NAA38: variants seen among roughly 807,000 people sequenced by gnomAD.
The protein encoded by NAA38 is N-alpha-acetyltransferase 38, NatC auxiliary subunit.
A neutral mutation model predicts 12.6 loss-of-function variants in NAA38; 15 were observed. That is an observed-to-expected ratio of 1.19 (90% CI 0.79 to 1.83). NAA38 has a LOEUF of 1.83. Ranked by LOEUF, NAA38 falls within the 40% of genes most tolerant of loss-of-function variation. The probability of loss-of-function intolerance (pLI) is 0.00; values close to 1 mark genes in which losing one functional copy is unlikely to be tolerated. For missense variants in NAA38, 183 were observed against 171.7 expected (o/e 1.07, Z -0.37); for synonymous variants, 88 against 69.9 (o/e 1.26, Z -1.29).
At chr17:7,859,543 CA>C, upstream of NAA38, 1 of 1,614,156 alleles carries the variant, frequency 6.2e-7, no homozygotes, top group Non-Finnish European at 8.5e-7. Context: ...TTGACTATCT[CA>C]GTATGGACGG....
chr17:7,880,756 A>G (rs1967257730), intron 2 of NAA38, among the ~76,000 whole-genome samples: 1 of 152,196 alleles, frequency 6.6e-6, no homozygotes, highest in Non-Finnish European at 1.5e-5. Context: ...TGCCTTCTCC[A>G]ATACACATTT....
chr17:7,856,814 G>A lies in NAA38; in HGVS notation c.295C>T (p.Leu99=). ...TGTCCGGGTACCATGGCCAGGCCCA[G>A]CACACGGGGCTCCCCGGCAGAGAAG... The part of the protein sequence containing the change: ...DSFSAGEPRV[L]GLAMVPGHHI... Residue 99 remains leucine (L), a synonymous_variant, in exon 3 of 3, where the codon CTG becomes TTG. Coordinates refer to ENST00000575771, the MANE Select transcript of NAA38 (RefSeq NM_001320925.4). 6.2e-7 allele frequency: 1 copy of A among 1,613,904 alleles called. No individual in the cohort carries two copies. Among genetic ancestry groups the A allele is most frequent in the Non-Finnish European group, 8.5e-7 (1 of 1,180,016 alleles).
chr17:7,877,887 T>C (rs1967203302), intron 2 of NAA38, among the ~76,000 whole-genome samples: 1 of 152,194 alleles, frequency 6.6e-6, no homozygotes, highest in African/African-American at 2.4e-5. Context: ...AGAAGAACAC[T>C]AGATTGGAAA....
chr17:7,869,771 A>AG (rs1368997120), intron 2 of NAA38, among the ~76,000 whole-genome samples: 1 of 152,036 alleles, frequency 6.6e-6, no homozygotes, highest in South Asian at 2.1e-4. Flanking sequence ...TCCAAAAAAA[A>AG]GAAAAGAAAA....
chr17:7,866,401 C>T, intron 3 of NAA38: 1 of 1,109,710 alleles, frequency 9.0e-7, no homozygotes, highest in Non-Finnish European at 1.1e-6. Context: ...AGCCATTGCG[C>T]CCGGCCGCCA....
upstream of NAA38, chr17:7,859,116 G>C: frequency 3.5e-6 from 2 of 575,736 alleles, no homozygotes; most frequent in Non-Finnish European, 3.1e-6. Flanking sequence ...ACAGCAATTG[G>C]ACTTTCTTTT....
rs772121369 is a variant in NAA38, at chr17:7,856,714, G to A, written c.*17C>T. The A allele has an allele frequency of 7.3e-5, 116 of 1,599,446 alleles. No homozygotes were observed. Among genetic ancestry groups the A allele is most frequent in the African/African-American group, 1.3e-5 (1 of 74,618 alleles). On this transcript the variant is annotated 3_prime_UTR_variant, in exon 3 of 3. Coordinates refer to ENST00000575771, the MANE Select transcript of NAA38 (RefSeq NM_001320925.4). Reference sequence around the variant, plus strand: ...GTCATAAGTTTAATGAAGTCTGAAAGGTAAGCGCCATCGTGGTCAGAGATA... The same window carrying A: ...GTCATAAGTTTAATGAAGTCTGAAAAGTAAGCGCCATCGTGGTCAGAGATA...
At chr17:7,865,951 A>C (rs1378780496) in intron 3 of NAA38, 1 of 152,278 alleles carries the variant, frequency 6.6e-6, no homozygotes, top group African/African-American at 2.4e-5. Flanking sequence ...AGTCCTGGAA[A>C]CTGTGAATAC....
chr17:7,866,738 A>T (rs1048878966), intron 2 of NAA38, among the ~76,000 whole-genome samples: 3 of 152,080 alleles, frequency 2.0e-5, no homozygotes, highest in Non-Finnish European at 4.4e-5. Flanking sequence ...GGTGTTCTGA[A>T]ATGCCATAAT....
chr17:7,857,088 G>A lies in NAA38; in HGVS notation c.192C>T (p.Val64=), dbSNP rs769792368. The change falls in exon 2 of 3, where the codon GTC becomes GTT. Residue 64 remains valine, a synonymous_variant. Coordinates refer to ENST00000575771, the MANE Select transcript of NAA38 (RefSeq NM_001320925.4). ...RIRMTDGRTL[V]GCFLCTDRDC... is the part of the protein sequence containing the mutation. The stretch of plus-strand genomic sequence containing the variant: ...CACGGTCAGTGCAGAGGAAGCAGCC[G>A]ACCAGTGTCCGTCCATCTGTCATGC... The A allele has an allele frequency of 6.2e-7, 1 of 1,613,540 alleles. No individual in the cohort carries two copies. The highest frequency in any genetic ancestry group is 8.5e-7 in the Non-Finnish European group (1 of 1,180,040).
chr17:7,856,942 G>C (rs778493992), intron 2 of NAA38, 73 bp downstream of exon 2: 1 of 1,587,340 alleles, frequency 6.3e-7, no homozygotes, highest in Non-Finnish European at 8.6e-7. Flanking sequence ...TTGCAGCCAG[G>C]CCCTTAAGGG....
intron 2 of NAA38, among the ~76,000 whole-genome samples, chr17:7,868,043 G>A (rs775125099): frequency 2.0e-4 from 30 of 152,218 alleles, no homozygotes; most frequent in Non-Finnish European, 4.3e-4. Context: ...TCCAGATCTT[G>A]TTGGATATAT....
chr17:7,858,105 A>T, upstream of NAA38: 1 of 1,612,012 alleles, frequency 6.2e-7, no homozygotes, highest in Non-Finnish European at 8.5e-7. Flanking sequence ...GGAGTAACCA[A>T]GAGATCCAGT....
intron 1 of NAA38, chr17:7,885,035 C>A: frequency 8.9e-7 from 1 of 1,120,156 alleles, no homozygotes; most frequent in Non-Finnish European, 1.1e-6. Context: ...CCCGCCGCCG[C>A]CGCCGCCGCC....
chr17:7,881,455 C>T (rs895500714), intron 2 of NAA38, among the ~76,000 whole-genome samples: 7 of 151,504 alleles, frequency 4.6e-5, no homozygotes, highest in Admixed American at 1.3e-4. Flanking sequence ...TAAAGGCAAA[C>T]GTGAGAGAAG....
At chr17:7,859,907 A>G, upstream of NAA38, 2 of 396,326 alleles carry the variant, frequency 5.0e-6, no homozygotes, top group Non-Finnish European at 9.3e-6. Context: ...TTGATAGTTA[A>G]GAGAGAGTAG....
chr17:7,881,883 A>T (rs1967278746), intron 2 of NAA38, among the ~76,000 whole-genome samples: 1 of 151,370 alleles, frequency 6.6e-6, no homozygotes, highest in African/African-American at 2.4e-5. Flanking sequence ...CAGCCAGAGA[A>T]GCAGACAGAC....
rs767797819 is a variant in NAA38, at chr17:7,885,039, C to CGCCGCCGCCACCGCT, written c.-167+111_-167+125dup. On this transcript the variant is annotated intron_variant, in intron 1 of 4. Coordinates refer to the NAA38 transcript ENST00000576861. ...TGCCACCTCTTCCCGCCGCCGCCGC[C>CGCCGCCGCCACCGCT]GCCGCCGCCACCGCTGCCCCCGCCG... 5.2e-4 allele frequency: 581 copies of CGCCGCCGCCACCGCT among 1,122,552 alleles called. 4 individuals carry two copies. Among genetic ancestry groups the CGCCGCCGCCACCGCT allele is most frequent in the Non-Finnish European group, 3.7e-4 (341 of 919,630 alleles). The allele number at this position is 1,122,552 out of a possible 1,614,324, so 69.5% of individuals were successfully genotyped here. A position where few individuals can be genotyped will look rare whatever the true frequency, so the allele number is the denominator to read the frequency against.
intron 2 of NAA38, 44 bp from the exon 3 acceptor site, chr17:7,856,887 G>C (rs2078821594): frequency 6.2e-7 from 1 of 1,601,964 alleles, no homozygotes; most frequent in African/African-American, 1.3e-5. Flanking sequence ...GCCAGAATCA[G>C]TCCCGCCCCT....
Sources: gnomAD v4.1 joint callset for allele counts (sites outside exome capture counted in the v4.1 genomes callset) on GRCh38, gnomAD v4.1.1 for gene constraint, MANE v1.5 for transcripts, NCBI Gene and HGNC (gene_info 2026-07-23, HGNC 2026-07-21) for gene names.